The following PTPRT variants were observed in gnomAD, a reference collection of about 807,000 sequenced individuals.
The protein encoded by PTPRT is protein tyrosine phosphatase receptor type T.
Under a neutral mutation model 176.8 loss-of-function variants are expected in PTPRT, and 56 were observed. The ratio of observed to expected loss-of-function variants is 0.32; its 90% CI spans 0.26 to 0.40. The LOEUF (loss-of-function observed/expected upper bound fraction) is 0.40. Among genes scored for constraint, PTPRT ranks in the 10% least tolerant of loss-of-function variants. The pLI is 1.00. For missense variants in PTPRT, 1,540 were observed against 1,908.2 expected (o/e 0.81, Z 3.60); for synonymous variants, 783 against 739.0 (o/e 1.06, Z -0.96).
chr20:42,933,241 C>T (rs1273297874), intron 1 of PTPRT, among the ~76,000 whole-genome samples: 3 of 152,186 alleles, frequency 2.0e-5, no homozygotes, highest in Admixed American at 6.5e-5. Context: ...ATGTCTTCTG[C>T]TCCCCTAGAT....
At chr20:43,046,643 G>C (rs1986851729) in intron 1 of PTPRT, among the ~76,000 whole-genome samples, 1 of 152,084 alleles carries the variant, frequency 6.6e-6, no homozygotes, top group African/African-American at 2.4e-5. Context: ...CAGTTCTCCA[G>C]TGGCTTCGCC....
intron 1 of PTPRT, among the ~76,000 whole-genome samples, chr20:43,161,804 G>A (rs1164279863): frequency 6.6e-6 from 1 of 152,134 alleles, no homozygotes; most frequent in Non-Finnish European, 1.5e-5. Context: ...CAACTGCCAT[G>A]TGGCACTGCC....
At chr20:42,755,193 A>C (rs1467085464) in intron 6 of PTPRT, among the ~76,000 whole-genome samples, 1 of 152,152 alleles carries the variant, frequency 6.6e-6, no homozygotes, top group Non-Finnish European at 1.5e-5. Context: ...ATGGCACATG[A>C]TCAGCCATGT....
At chr20:42,583,309 T>A (rs145394813) in intron 7 of PTPRT, among the ~76,000 whole-genome samples, 1 of 152,332 alleles carries the variant, frequency 6.6e-6, no homozygotes, top group East Asian at 1.9e-4. Flanking sequence ...CAGAGTTATT[T>A]GCTCAAAGGC....
At chr20:42,391,934 C>A (rs1404336132) in intron 9 of PTPRT, among the ~76,000 whole-genome samples, 1 of 152,156 alleles carries the variant, frequency 6.6e-6, no homozygotes, top group Non-Finnish European at 1.5e-5. Flanking sequence ...GGATGCCCTA[C>A]AGGAGTCAAC....
chr20:42,767,581 T>C (rs1189859554), intron 5 of PTPRT, among the ~76,000 whole-genome samples: 1 of 151,574 alleles, frequency 6.6e-6, no homozygotes, highest in East Asian at 1.9e-4. Context: ...GGAAAAGACT[T>C]ACTATGGATG....
chr20:42,632,255 T>C (rs927555519), intron 7 of PTPRT, among the ~76,000 whole-genome samples: 3 of 152,192 alleles, frequency 2.0e-5, no homozygotes, highest in Admixed American at 2.0e-4. Context: ...TTTTTTGTTT[T>C]TGAGACGGAG....
chr20:43,168,519 T>A (rs1600766834), intron 1 of PTPRT, among the ~76,000 whole-genome samples: 1 of 152,214 alleles, frequency 6.6e-6, no homozygotes, highest in Non-Finnish European at 1.5e-5. Context: ...TGCATAGGAA[T>A]TTTTTCCCAT....
intron 13 of PTPRT, among the ~76,000 whole-genome samples, chr20:42,260,008 C>G (rs779715406): frequency 6.6e-6 from 1 of 152,166 alleles, no homozygotes; most frequent in Non-Finnish European, 1.5e-5. Context: ...GTGGCTATAG[C>G]AAGGTGCTGA....
At chr20:42,664,963 G>C (rs2075287837) in intron 7 of PTPRT, among the ~76,000 whole-genome samples, 1 of 152,212 alleles carries the variant, frequency 6.6e-6, no homozygotes, top group Non-Finnish European at 1.5e-5. Context: ...ATGGATTAAA[G>C]ACTTAAATGT....
chr20:42,112,551 C>T (rs1176405599), intron 22 of PTPRT, among the ~76,000 whole-genome samples: 1 of 152,164 alleles, frequency 6.6e-6, no homozygotes, highest in African/African-American at 2.4e-5. Flanking sequence ...ATGGGGGGCA[C>T]CTGAGGCCCC....
chr20:43,110,245 A>G lies in PTPRT; in HGVS notation c.88+79401T>C, dbSNP rs7353933. On this transcript the variant is annotated intron_variant, in intron 1 of 30. Coordinates refer to ENST00000373187, the MANE Select transcript of PTPRT (RefSeq NM_007050.6). ...ATGCCAGGTTCTTTTTAATACCCAG[A>G]GGGAACTAATAGAGTGACAGCTTCT... is the stretch of plus-strand genomic sequence containing the variant. Among the ~76,000 whole-genome samples the G allele has an allele frequency of 2.8e-3, 425 of 152,322 alleles. 4 individuals carry two copies. Among genetic ancestry groups the G allele is most frequent in the African/African-American group, 9.3e-3 (387 of 41,558 alleles).
chr20:42,719,143 G>A (rs187906350), intron 6 of PTPRT, among the ~76,000 whole-genome samples: 5 of 152,288 alleles, frequency 3.3e-5, no homozygotes, highest in African/African-American at 1.2e-4. Flanking sequence ...TTGAGTTGAA[G>A]TGCCTGTGGC....
Position 42,115,953 on chromosome 20 carries a change from C to A in PTPRT, c.2983-638G>T. On this transcript the variant is annotated intron_variant, in intron 21 of 30. Coordinates refer to ENST00000373187, the MANE Select transcript of PTPRT (RefSeq NM_007050.6). ...CTCTCTGACCCTGGACGCGAGCAAG[C>A]CATTCCCCAGTCGACTGTTTAAGTC... is the stretch of plus-strand genomic sequence containing the variant. The A allele has an allele frequency of 4.3e-6, 3 of 698,734 alleles. No homozygotes were observed. In the South Asian group the frequency reaches 4.6e-5, roughly 11 times the overall value. The allele number at this position is 698,734 out of a possible 1,614,324, so 43.3% of individuals were successfully genotyped here.
At chr20:42,700,218 G>C (rs774699847) in intron 6 of PTPRT, among the ~76,000 whole-genome samples, 2 of 152,154 alleles carry the variant, frequency 1.3e-5, no homozygotes, top group Non-Finnish European at 2.9e-5. Context: ...GTGACCACCA[G>C]CTTGAGAAGC....
At chr20:42,053,059 A>G in the PTPRT span, among the ~76,000 whole-genome samples, 1 of 152,220 alleles carries the variant, frequency 6.6e-6, no homozygotes, top group Non-Finnish European at 1.5e-5. Flanking sequence ...ATTATTATTT[A>G]TAAAAATAAG....
intron 7 of PTPRT, among the ~76,000 whole-genome samples, chr20:42,637,709 T>C (rs2074638132): frequency 6.6e-6 from 1 of 152,154 alleles, no homozygotes; most frequent in South Asian, 2.1e-4. Flanking sequence ...CTTGGTTTGA[T>C]TCACTGCTGA....
chr20:42,885,981 G>A, intron 1 of PTPRT, 49 bp from the exon 2 acceptor site: 2 of 1,505,360 alleles, frequency 1.3e-6, no homozygotes, highest in Non-Finnish European at 1.8e-6. Context: ...TCTGAGGCTT[G>A]GTTCGTTACC....
At chr20:42,762,556 T>C (rs1288113691) in intron 5 of PTPRT, among the ~76,000 whole-genome samples, 1 of 152,230 alleles carries the variant, frequency 6.6e-6, no homozygotes, top group Non-Finnish European at 1.5e-5. Context: ...GCGGGAGTTG[T>C]GGCCCCCAAA....
Sources: allele counts gnomAD v4.1 joint callset (sites outside exome capture counted in the v4.1 genomes callset), GRCh38; gene constraint gnomAD v4.1.1; transcripts MANE v1.5; gene names NCBI Gene and HGNC (gene_info 2026-07-23, HGNC 2026-07-21).